Variants in ITGA9 observed in about 807,000 individuals in gnomAD.
ITGA9 encodes integrin alpha-9.
A neutral mutation model predicts 127.8 loss-of-function variants in ITGA9; 56 were observed. The observed-to-expected ratio is 0.44, with a 90% CI of 0.35 to 0.55. ITGA9 has a LOEUF of 0.55. Among genes scored for constraint, ITGA9 ranks in the 20% least tolerant of loss-of-function variants. The probability of loss-of-function intolerance (pLI) is 0.00; values close to 1 mark genes in which losing one functional copy is unlikely to be tolerated. For missense variants in ITGA9, 1,196 were observed against 1,347.1 expected, an observed-to-expected ratio of 0.89 and a Z score of 1.76; for synonymous variants, 508 against 514.5, an observed-to-expected ratio of 0.99 and a Z score of 0.17.
chr3:37,558,602 G>C (rs1385215767), intron 15 of ITGA9, among the ~76,000 whole-genome samples: 2 of 152,142 alleles, frequency 1.3e-5, no homozygotes, highest in Non-Finnish European at 2.9e-5. Context: ...TCACTCTCAA[G>C]TGTTCCGATT....
chr3:37,680,288 C>G (rs1700722554), intron 17 of ITGA9, among the ~76,000 whole-genome samples: 1 of 152,154 alleles, frequency 6.6e-6, no homozygotes, highest in South Asian at 2.1e-4. Flanking sequence ...CTAAAAATAA[C>G]TTTGGAAGCA....
At chr3:37,595,898 C>G (rs1057189521) in intron 15 of ITGA9, among the ~76,000 whole-genome samples, 1 of 152,190 alleles carries the variant, frequency 6.6e-6, no homozygotes, top group East Asian at 1.9e-4. Flanking sequence ...ATTTGTGTGT[C>G]TCAGCATGGC....
chr3:37,615,417 C>G (rs1331511374), intron 15 of ITGA9, among the ~76,000 whole-genome samples: 3 of 152,146 alleles, frequency 2.0e-5, no homozygotes, highest in Admixed American at 1.3e-4. Context: ...GGATACTGGT[C>G]TAAAATTCTC....
At chr3:37,579,191 C>A (rs2125608815) in intron 15 of ITGA9, among the ~76,000 whole-genome samples, 1 of 152,258 alleles carries the variant, frequency 6.6e-6, no homozygotes, top group Admixed American at 6.5e-5. Flanking sequence ...CTCTTTCAAG[C>A]CAAGTCAAAT....
At chr3:37,655,417 G>A (rs1005371257) in intron 17 of ITGA9, among the ~76,000 whole-genome samples, 1 of 152,116 alleles carries the variant, frequency 6.6e-6, no homozygotes, top group Non-Finnish European at 1.5e-5. Flanking sequence ...ATCTCATTGT[G>A]GTTTTGATTT....
intron 23 of ITGA9, among the ~76,000 whole-genome samples, chr3:37,772,968 T>G (rs1206246068): frequency 1.3e-5 from 2 of 152,230 alleles, no homozygotes; most frequent in African/African-American, 4.8e-5. Flanking sequence ...AACTAACTTC[T>G]GAGCTGTGAC....
chr3:37,748,504 T>C, intron 22 of ITGA9: 2 of 510,860 alleles, frequency 3.9e-6, no homozygotes, highest in Non-Finnish European at 3.6e-6. Flanking sequence ...TCCTAACACT[T>C]TGGGAGGCCG....
chr3:37,601,449 A>G (rs1699921657), intron 15 of ITGA9, among the ~76,000 whole-genome samples: 1 of 152,212 alleles, frequency 6.6e-6, no homozygotes, highest in Admixed American at 6.5e-5. Context: ...CCAGAGGGCA[A>G]CTAGGGAAAA....
chr3:37,680,984 G>A (rs1700729328), intron 17 of ITGA9, among the ~76,000 whole-genome samples: 1 of 152,130 alleles, frequency 6.6e-6, no homozygotes, highest in Non-Finnish European at 1.5e-5. Flanking sequence ...CCAAAGCAAG[G>A]CCATCATATT....
intron 6 of ITGA9, among the ~76,000 whole-genome samples, chr3:37,504,082 T>G (rs1462826311): frequency 6.6e-6 from 1 of 152,226 alleles, no homozygotes; most frequent in Non-Finnish European, 1.5e-5. Flanking sequence ...ATAGCGTCAC[T>G]GGGAACTTCT....
At chr3:37,453,910 C>G (rs1013978391) in intron 1 of ITGA9, among the ~76,000 whole-genome samples, 2 of 152,254 alleles carry the variant, frequency 1.3e-5, no homozygotes, top group African/African-American at 4.8e-5. Context: ...ATCTCCCTCT[C>G]TCACTTACTC....
At chr3:37,681,021 A>T (rs1351260940) in intron 17 of ITGA9, among the ~76,000 whole-genome samples, 1 of 152,182 alleles carries the variant, frequency 6.6e-6, no homozygotes, top group African/African-American at 2.4e-5. Flanking sequence ...ATTCTTGTTG[A>T]TGTGCCAGAC....
At chr3:37,759,903 C>CA (rs1162012330) in intron 23 of ITGA9, among the ~76,000 whole-genome samples, 2,838 of 132,416 alleles carry the variant, frequency 0.021, 79 homozygotes, top group African/African-American at 0.071. Flanking sequence ...GACTCCATCT[C>CA]AAAAAAAAAA....
chr3:37,636,790 A>G (rs1220656679), intron 16 of ITGA9, among the ~76,000 whole-genome samples: 1 of 152,086 alleles, frequency 6.6e-6, no homozygotes, highest in Non-Finnish European at 1.5e-5. Context: ...TCTTTAATCC[A>G]TCTTGAATTA....
intron 20 of ITGA9, among the ~76,000 whole-genome samples, chr3:37,740,223 T>C (rs1352871763): frequency 1.3e-5 from 2 of 152,032 alleles, no homozygotes; most frequent in African/African-American, 4.8e-5. Context: ...AGACAGGGAC[T>C]CAGCAGATGT....
intron 15 of ITGA9, among the ~76,000 whole-genome samples, chr3:37,572,877 A>C (rs1699615771): frequency 6.6e-6 from 1 of 152,234 alleles, no homozygotes; most frequent in Admixed American, 6.5e-5. Context: ...ATTTTCTAAT[A>C]AGCCTGAAAA....
chr3:37,807,549 C>G (rs906530308), intron 27 of ITGA9: 1 of 152,352 alleles, frequency 6.6e-6, no homozygotes, highest in African/African-American at 2.4e-5. Flanking sequence ...CATGGGAGGT[C>G]TGTGAGCAGA....
chr3:37,577,539 A>G (rs1432228921), intron 15 of ITGA9, among the ~76,000 whole-genome samples: 1 of 152,242 alleles, frequency 6.6e-6, no homozygotes, highest in Non-Finnish European at 1.5e-5. Context: ...ATACCCTTAA[A>G]AGGCATAAAA....
At chr3:37,574,209 GTAGATATT>G (rs949328397) in intron 15 of ITGA9, among the ~76,000 whole-genome samples, 9 of 152,122 alleles carry the variant, frequency 5.9e-5, no homozygotes, top group Non-Finnish European at 1.3e-4. Flanking sequence ...TCTTCATAGG[GTAGATATT>G]TCTTTTAAGA....
Sources: gnomAD v4.1 joint callset for allele counts (sites outside exome capture counted in the v4.1 genomes callset) on GRCh38, gnomAD v4.1.1 for gene constraint, MANE v1.5 for transcripts, NCBI Gene and HGNC (gene_info 2026-07-23, HGNC 2026-07-21) for gene names.